CHD6: variants seen among roughly 807,000 people sequenced by gnomAD.
The protein encoded by CHD6 is ATP-dependent chromatin remodeler CHD6.
A neutral mutation model predicts 276.9 loss-of-function variants in CHD6; 50 were observed. The observed-to-expected ratio is 0.18, with a 90% confidence interval of 0.14 to 0.23. The LOEUF (loss-of-function observed/expected upper bound fraction) is 0.23, where lower values mean the gene tolerates loss of function less well. Among genes scored for constraint, CHD6 ranks in the 10% least tolerant of loss-of-function variants. The pLI, the probability that CHD6 is intolerant of heterozygous loss-of-function variation, is 1.00. For missense variants in CHD6, 2,564 were observed against 3,365.8 expected (o/e 0.76, Z 5.89); for synonymous variants, 1,173 against 1,229.3 (o/e 0.95, Z 0.96).
At chr20:41,593,962 G>A (rs1056235842) in intron 1 of CHD6, among the ~76,000 whole-genome samples, 3 of 147,536 alleles carry the variant, frequency 2.0e-5, no homozygotes, top group African/African-American at 7.5e-5. Flanking sequence ...TGGCCCTAAC[G>A]AACTAATGCA....
In CHD6 at chr20:41,514,829, C is replaced by T. The variant is rs991302851; in HGVS notation, c.678G>A (p.Glu226=). 1.5e-5 allele frequency: 24 copies of T among 1,613,828 alleles called. No individual in the cohort carries two copies. The highest frequency in any genetic ancestry group is 1.9e-5 in the Non-Finnish European group (22 of 1,179,904). Residue 226 remains glutamate, a synonymous_variant, in exon 4 of 37, where the codon GAG becomes GAA. Coordinates refer to ENST00000373233, the MANE Select transcript of CHD6 (RefSeq NM_032221.5). ...LTNPSLRSPE[E]STESTDSQKR... is the part of the protein sequence containing the mutation. ...CCTGGCTGTCTGTAGACTCAGTGGA[C>T]TCCTCAGGACTCCGCAGAGATGGGT...
In CHD6 at chr20:41,549,947, C is replaced by T. The variant is rs559688031; in HGVS notation, c.33+1358G>A. On this transcript the variant is annotated intron_variant, in intron 2 of 36. Transcript: ENST00000373233. ...CTGAGTAGCTGCGATTACAGGTGCT[C>T]GCCACCATGCCTGGCTAATTTTTTT... Among the ~76,000 whole-genome samples, 137 of 152,210 alleles carry T rather than the reference C, an allele frequency of 9.0e-4. 1 individual carries two copies. The highest frequency in any genetic ancestry group is 2.7e-3 in the African/African-American group (114 of 41,522).
chr20:41,546,402 T>C (rs181163936), intron 2 of CHD6, among the ~76,000 whole-genome samples: 13 of 152,320 alleles, frequency 8.5e-5, no homozygotes, highest in Non-Finnish European at 1.3e-4. Flanking sequence ...TAATATTATG[T>C]ATTTCTATTG....
chr20:41,456,027 GAAA>G, intron 18 of CHD6, 48 bp from the exon 19 acceptor site: 1 of 1,451,394 alleles, frequency 6.9e-7, no homozygotes, highest in Non-Finnish European at 9.1e-7. Flanking sequence ...ATGTATAGGA[GAAA>G]AACAGCCTCA....
At chr20:41,414,771 A>G in intron 34 of CHD6, 1 of 1,019,614 alleles carries the variant, frequency 9.8e-7, no homozygotes, top group Non-Finnish European at 1.2e-6. Context: ...GTCAAGCAGA[A>G]GAGCCAGGAT....
At chr20:41,509,775 G>T (rs2044070439) in intron 5 of CHD6, among the ~76,000 whole-genome samples, 1 of 152,168 alleles carries the variant, frequency 6.6e-6, no homozygotes. Flanking sequence ...ACCAAAATCA[G>T]TTTGACAAAG....
chr20:41,445,042 A>T (rs1330745458), intron 25 of CHD6, among the ~76,000 whole-genome samples: 1 of 152,246 alleles, frequency 6.6e-6, no homozygotes, highest in African/African-American at 2.4e-5. Context: ...AATGGCTGGC[A>T]GTTGGCTGAA....
chr20:41,590,763 G>C (rs568770690), intron 1 of CHD6, among the ~76,000 whole-genome samples: 35 of 151,982 alleles, frequency 2.3e-4, no homozygotes, highest in Non-Finnish European at 4.0e-4. Flanking sequence ...CTGTTGGTGG[G>C]ACTGTAAACT....
chr20:41,514,164 T>C (rs560725547), intron 4 of CHD6, among the ~76,000 whole-genome samples: 18 of 152,310 alleles, frequency 1.2e-4, no homozygotes, highest in South Asian at 6.2e-4. Context: ...CTGGAAGGTA[T>C]AGTACGTCAG....
intron 2 of CHD6, 90 bp downstream of exon 2, chr20:41,551,215 G>T: frequency 1.2e-6 from 1 of 832,062 alleles, no homozygotes; most frequent in East Asian, 2.6e-5. Flanking sequence ...CAGAGATTAA[G>T]GGATAAGCCA....
intron 1 of CHD6, among the ~76,000 whole-genome samples, chr20:41,617,149 CGAG>C (rs929220925): frequency 1.3e-5 from 2 of 152,096 alleles, no homozygotes; most frequent in African/African-American, 4.8e-5. Flanking sequence ...CCAGCAGAAA[CGAG>C]GAGTTTTCAG....
intron 1 of CHD6, among the ~76,000 whole-genome samples, chr20:41,604,001 C>G (rs1161989170): frequency 9.0e-6 from 1 of 110,930 alleles, no homozygotes; most frequent in African/African-American, 3.5e-5. Context: ...TGTGCGCATG[C>G]GTGTTTGTAT....
chr20:41,589,774 G>A (rs1383000079), intron 1 of CHD6, among the ~76,000 whole-genome samples: 5 of 152,134 alleles, frequency 3.3e-5, no homozygotes, highest in Non-Finnish European at 7.4e-5. Context: ...AATCAATATC[G>A]TGAAAATGGC....
chr20:41,540,214 G>T (rs2044914967), intron 2 of CHD6, among the ~76,000 whole-genome samples: 1 of 152,128 alleles, frequency 6.6e-6, no homozygotes, highest in Non-Finnish European at 1.5e-5. Flanking sequence ...GAAAGAAACA[G>T]TTATCTACAA....
chr20:41,553,402 G>A (rs757667258), intron 1 of CHD6, among the ~76,000 whole-genome samples: 2 of 152,176 alleles, frequency 1.3e-5, no homozygotes, highest in African/African-American at 2.4e-5. Flanking sequence ...AGTAACTGTT[G>A]GACATGCTCA....
chr20:41,408,946 G>A (rs1569040590), intron 36 of CHD6, among the ~76,000 whole-genome samples: 1 of 152,226 alleles, frequency 6.6e-6, no homozygotes, highest in Non-Finnish European at 1.5e-5. Context: ...CCCAGTAAGT[G>A]CAAGTAGCAC....
At chr20:41,544,739 A>G (rs2045008235) in intron 2 of CHD6, among the ~76,000 whole-genome samples, 1 of 150,400 alleles carries the variant, frequency 6.6e-6, no homozygotes, top group Admixed American at 6.7e-5. Flanking sequence ...ATTACTATAT[A>G]ATCATATGTA....
intron 3 of CHD6, among the ~76,000 whole-genome samples, chr20:41,530,825 G>T (rs928244818): frequency 6.6e-6 from 1 of 152,172 alleles, no homozygotes; most frequent in African/African-American, 2.4e-5. Context: ...GATCACTTCT[G>T]TCAGCCTCCT....
chr20:41,529,091 T>C (rs536423856), intron 3 of CHD6, among the ~76,000 whole-genome samples: 1 of 152,354 alleles, frequency 6.6e-6, no homozygotes, highest in South Asian at 2.1e-4. Context: ...CAGGTGAACC[T>C]GGAGTCAAAT....
Sources: gnomAD v4.1 joint callset for allele counts (sites outside exome capture counted in the v4.1 genomes callset) on GRCh38, gnomAD v4.1.1 for gene constraint, MANE v1.5 for transcripts, NCBI Gene and HGNC (gene_info 2026-07-23, HGNC 2026-07-21) for gene names.